The following ANK3 variants were observed in gnomAD, a reference collection of about 807,000 sequenced individuals.
ANK3 encodes the protein ankyrin-3.
Under a neutral mutation model 370.9 loss-of-function variants are expected in ANK3, and 57 were observed. The observed-to-expected ratio is 0.15, with a 90% CI of 0.12 to 0.19. The LOEUF is 0.19. ANK3 is among the 10% of genes least tolerant of loss of function. The pLI is 1.00. For synonymous variants in ANK3, 1,929 were observed against 1,946.3 expected (o/e 0.99, Z 0.23); for missense variants, 4,439 against 5,302.1 (o/e 0.84, Z 5.06).
intron 1 of ANK3, among the ~76,000 whole-genome samples, chr10:60,658,600 T>A (rs549411460): frequency 2.0e-5 from 3 of 152,292 alleles, no homozygotes; most frequent in African/African-American, 7.2e-5. Context: ...TTTACCCACA[T>A]ATTCACCATC....
chr10:60,637,015 T>C (rs191156653), intron 1 of ANK3, among the ~76,000 whole-genome samples: 48 of 152,328 alleles, frequency 3.2e-4, no homozygotes, highest in Non-Finnish European at 6.0e-4. Flanking sequence ...TATTTCCTAC[T>C]ACATTCTCAC....
intron 1 of ANK3, among the ~76,000 whole-genome samples, chr10:60,715,552 C>G (rs907284609): frequency 1.3e-5 from 2 of 152,054 alleles, no homozygotes; most frequent in African/African-American, 4.8e-5. Flanking sequence ...ACAATTTAAA[C>G]AAAAGCACAG....
intron 2 of ANK3, among the ~76,000 whole-genome samples, chr10:60,552,229 T>C (rs1056479501): frequency 6.6e-6 from 1 of 152,222 alleles, no homozygotes; most frequent in Non-Finnish European, 1.5e-5. Context: ...TATTCATTTC[T>C]TGTTAATCTA....
intron 1 of ANK3, among the ~76,000 whole-genome samples, chr10:60,665,761 C>T (rs1439911672): frequency 2.6e-5 from 4 of 152,190 alleles, no homozygotes; most frequent in African/African-American, 7.2e-5. Flanking sequence ...TAGCAGTTCT[C>T]AACCACCGTG....
intron 1 of ANK3, among the ~76,000 whole-genome samples, chr10:60,298,823 C>T (rs551142485): frequency 9.2e-5 from 14 of 152,244 alleles, no homozygotes; most frequent in South Asian, 6.2e-4. Flanking sequence ...CTTTAAGACT[C>T]GTTACAGCAA....
At chr10:60,425,017 G>A (rs2063852593) in intron 2 of ANK3, among the ~76,000 whole-genome samples, 1 of 152,056 alleles carries the variant, frequency 6.6e-6, no homozygotes, top group African/African-American at 2.4e-5. Context: ...GGAAGACACA[G>A]AAAAAGGAAG....
At chr10:60,324,719 T>C (rs1315357794) in intron 1 of ANK3, among the ~76,000 whole-genome samples, 5 of 152,188 alleles carry the variant, frequency 3.3e-5, no homozygotes, top group Non-Finnish European at 7.3e-5. Flanking sequence ...AATCTTTTCC[T>C]ACTCTCACAA....
chr10:60,373,255 C>T (rs553406671), intron 1 of ANK3, among the ~76,000 whole-genome samples: 2 of 152,276 alleles, frequency 1.3e-5, no homozygotes, highest in East Asian at 3.9e-4. Context: ...GGTGGCCAGG[C>T]CAGGGGCCTC....
chr10:60,213,777 C>T (rs2096892637), intron 8 of ANK3, among the ~76,000 whole-genome samples: 1 of 152,016 alleles, frequency 6.6e-6, no homozygotes, highest in South Asian at 2.1e-4. Context: ...TTTTGAATAG[C>T]CAATAAAATC....
chr10:60,043,970 C>T (rs2076541092), intron 42 of ANK3: 1 of 985,820 alleles, frequency 1.0e-6, no homozygotes, highest in Non-Finnish European at 1.2e-6. Flanking sequence ...GCAGCAAACA[C>T]TTCAAGCTGC....
At chr10:60,715,081 G>T (rs963043793) in intron 1 of ANK3, among the ~76,000 whole-genome samples, 5 of 152,124 alleles carry the variant, frequency 3.3e-5, no homozygotes, top group African/African-American at 7.2e-5. Flanking sequence ...TATGGGGTTA[G>T]GGGAGGTGGG....
intron 1 of ANK3, among the ~76,000 whole-genome samples, chr10:60,291,178 T>C (rs1434008160): frequency 6.6e-6 from 1 of 152,154 alleles, no homozygotes; most frequent in African/African-American, 2.4e-5. Flanking sequence ...ATAGACTTGA[T>C]TATGTTCAGC....
chr10:60,045,575 C>T (rs2076814744), intron 42 of ANK3, among the ~76,000 whole-genome samples: 1 of 152,178 alleles, frequency 6.6e-6, no homozygotes, highest in East Asian at 1.9e-4. Context: ...ACTAGTATTC[C>T]AGGGTCCTAT....
chr10:60,397,737 C>T (rs1025965972), intron 2 of ANK3, among the ~76,000 whole-genome samples: 3 of 152,134 alleles, frequency 2.0e-5, no homozygotes, highest in Non-Finnish European at 4.4e-5. Context: ...CAACTTTTTC[C>T]TTGCCCTTCC....
At chr10:60,630,586 G>T (rs1276638451) in intron 1 of ANK3, among the ~76,000 whole-genome samples, 1 of 152,202 alleles carries the variant, frequency 6.6e-6, no homozygotes, top group African/African-American at 2.4e-5. Context: ...TTTGGGTCAG[G>T]TTGCAGGTCA....
chr10:60,190,282 T>C (rs2096452600), intron 16 of ANK3, among the ~76,000 whole-genome samples: 1 of 152,180 alleles, frequency 6.6e-6, no homozygotes. Flanking sequence ...TGCTGTCACA[T>C]CCATGTGGTA....
At chr10:60,133,844 A>C (rs1465723170) in intron 25 of ANK3, among the ~76,000 whole-genome samples, 1 of 152,022 alleles carries the variant, frequency 6.6e-6, no homozygotes, top group South Asian at 2.1e-4. Flanking sequence ...ACTTGAGCCC[A>C]GGAGGCAGAG....
At chr10:60,364,293 C>CAA (rs34623231) in intron 1 of ANK3, among the ~76,000 whole-genome samples, 2 of 135,856 alleles carry the variant, frequency 1.5e-5, no homozygotes, top group African/African-American at 2.7e-5. Context: ...GACTCGGTCT[C>CAA]AAAAAAAAAA....
chr10:60,564,095 T>C (rs1231096385), intron 2 of ANK3, among the ~76,000 whole-genome samples: 1 of 152,168 alleles, frequency 6.6e-6, no homozygotes, highest in Non-Finnish European at 1.5e-5. Flanking sequence ...GAGTCAAAAT[T>C]TCAGTTTCAT....
Sources: gnomAD v4.1 joint callset for allele counts (sites outside exome capture counted in the v4.1 genomes callset) on GRCh38, gnomAD v4.1.1 for gene constraint, MANE v1.5 for transcripts, NCBI Gene and HGNC (gene_info 2026-07-23, HGNC 2026-07-21) for gene names.